VPS13B: variants seen among roughly 807,000 people sequenced by gnomAD.
VPS13B encodes the protein vacuolar protein sorting 13 homolog B, also known as intermembrane lipid transfer protein VPS13B.
VPS13B carries 285 observed loss-of-function variants against 426.4 expected under a neutral mutation model. The ratio of observed to expected loss-of-function variants is 0.67; its 90% CI spans 0.61 to 0.74. The LOEUF is 0.74. Ranked by LOEUF, VPS13B falls within the 30% of genes least tolerant of loss-of-function variation. The pLI, the probability that VPS13B is intolerant of heterozygous loss-of-function variation, is 0.00. For synonymous variants in VPS13B, 1,676 were observed against 1,676.4 expected, an observed-to-expected ratio of 1.00 and a Z score of 0.01; for missense variants, 4,537 against 4,782.6, an observed-to-expected ratio of 0.95 and a Z score of 1.51.
intron 3 of VPS13B, among the ~76,000 whole-genome samples, chr8:99,050,761 G>C (rs1350936029): frequency 2.6e-5 from 4 of 152,192 alleles, no homozygotes; most frequent in Non-Finnish European, 5.9e-5. Flanking sequence ...CTGTGGTTTT[G>C]ATTTGCATTT....
chr8:99,669,182 A>T (rs1370924373), intron 35 of VPS13B, among the ~76,000 whole-genome samples: 1 of 152,180 alleles, frequency 6.6e-6, no homozygotes. Flanking sequence ...TTGGTATGAC[A>T]TCATACAGAA....
chr8:99,128,083 A>G (rs1809527916), intron 8 of VPS13B, among the ~76,000 whole-genome samples: 1 of 152,120 alleles, frequency 6.6e-6, no homozygotes, highest in Admixed American at 6.6e-5. Context: ...AAAGCTCATT[A>G]AGTGGTAATT....
chr8:99,053,559 C>T (rs752843769), intron 3 of VPS13B, among the ~76,000 whole-genome samples: 5 of 151,916 alleles, frequency 3.3e-5, no homozygotes, highest in Non-Finnish European at 7.4e-5. Context: ...TTCTAAGTAC[C>T]TCAAGTAAGT....
At chr8:99,459,951 A>G (rs1476487855) in intron 23 of VPS13B, among the ~76,000 whole-genome samples, 2 of 152,228 alleles carry the variant, frequency 1.3e-5, no homozygotes, top group African/African-American at 2.4e-5. Context: ...GTTTAATAGT[A>G]TACCTTTTTC....
chr8:99,303,480 A>G (rs1197128725), intron 19 of VPS13B, among the ~76,000 whole-genome samples: 2 of 151,702 alleles, frequency 1.3e-5, no homozygotes, highest in African/African-American at 4.8e-5. Flanking sequence ...AATGTTTTAA[A>G]TCTTTTAAAG....
chr8:99,058,313 G>A (rs1308473991), intron 3 of VPS13B, among the ~76,000 whole-genome samples: 1 of 150,550 alleles, frequency 6.6e-6, no homozygotes, highest in African/African-American at 2.4e-5. Context: ...TTTTGTTTTA[G>A]AAAATATAGC....
At chr8:99,112,355 T>C (rs1310288642) in intron 6 of VPS13B, among the ~76,000 whole-genome samples, 2 of 152,204 alleles carry the variant, frequency 1.3e-5, no homozygotes, top group Non-Finnish European at 2.9e-5. Context: ...AGTATGGCTG[T>C]ATAAAAATTA....
At chr8:99,750,383 A>G (rs1180225345) in intron 39 of VPS13B, among the ~76,000 whole-genome samples, 1 of 152,058 alleles carries the variant, frequency 6.6e-6, no homozygotes, top group Non-Finnish European at 1.5e-5. Flanking sequence ...GCCCATTTAT[A>G]TTACTTCCTT....
intron 54 of VPS13B, among the ~76,000 whole-genome samples, chr8:99,836,984 G>A (rs1485811345): frequency 6.6e-6 from 1 of 152,202 alleles, no homozygotes; most frequent in East Asian, 1.9e-4. Context: ...CTGCAAAGCC[G>A]GTGCTCTGAG....
intron 19 of VPS13B, among the ~76,000 whole-genome samples, chr8:99,318,245 T>C (rs563581981): frequency 6.6e-6 from 1 of 152,330 alleles, no homozygotes; most frequent in Admixed American, 6.5e-5. Flanking sequence ...TTCATGAGCA[T>C]ACTGATATTG....
At chr8:99,452,674 A>G (rs1258123773) in intron 23 of VPS13B, among the ~76,000 whole-genome samples, 1 of 152,228 alleles carries the variant, frequency 6.6e-6, no homozygotes, top group African/African-American at 2.4e-5. Flanking sequence ...GGGGGGAAAA[A>G]GCATTACATA....
At chr8:99,731,750 G>A (rs1218362910) in intron 39 of VPS13B, among the ~76,000 whole-genome samples, 1 of 152,190 alleles carries the variant, frequency 6.6e-6, no homozygotes, top group East Asian at 1.9e-4. Flanking sequence ...ATTTAATGAG[G>A]AAGTAAGAGA....
chr8:99,794,367 G>A (rs917736416), intron 43 of VPS13B, among the ~76,000 whole-genome samples: 5 of 152,088 alleles, frequency 3.3e-5, no homozygotes, highest in African/African-American at 1.2e-4. Flanking sequence ...AATGGTATAC[G>A]ATAGGCATAC....
chr8:99,030,491 T>TGC (rs1437829824), intron 2 of VPS13B, among the ~76,000 whole-genome samples: 4 of 151,510 alleles, frequency 2.6e-5, no homozygotes, highest in African/African-American at 9.7e-5. Flanking sequence ...TGTGTGTGTG[T>TGC]ACCATGATGT....
chr8:99,590,597 A>G (rs1826593526), intron 33 of VPS13B, among the ~76,000 whole-genome samples: 1 of 152,166 alleles, frequency 6.6e-6, no homozygotes, highest in Non-Finnish European at 1.5e-5. Flanking sequence ...TTATTTACCA[A>G]GTAGTCATTC....
At chr8:99,687,602 G>A (rs1563863284) in intron 35 of VPS13B, among the ~76,000 whole-genome samples, 1 of 151,894 alleles carries the variant, frequency 6.6e-6, no homozygotes, top group Non-Finnish European at 1.5e-5. Context: ...GATTTCCACT[G>A]TAACAGGGCA....
chr8:99,107,623 A>T (rs1847116830), intron 5 of VPS13B, among the ~76,000 whole-genome samples: 1 of 152,200 alleles, frequency 6.6e-6, no homozygotes, highest in East Asian at 1.9e-4. Context: ...TTGACATTCA[A>T]GTTGTTCTAA....
chr8:99,390,612 C>T (rs911107902), intron 20 of VPS13B, among the ~76,000 whole-genome samples: 2 of 152,054 alleles, frequency 1.3e-5, no homozygotes, highest in African/African-American at 2.4e-5. Flanking sequence ...GGTTGTGGTA[C>T]TGAAGATAAC....
intron 9 of VPS13B, 21 bp downstream of exon 9, chr8:99,134,748 C>T: frequency 6.4e-7 from 1 of 1,554,314 alleles, no homozygotes; most frequent in Non-Finnish European, 8.9e-7. Flanking sequence ...AATATTGAAC[C>T]TGTATTTTTA....
Sources: gnomAD v4.1 joint callset for allele counts (sites outside exome capture counted in the v4.1 genomes callset) on GRCh38, gnomAD v4.1.1 for gene constraint, MANE v1.5 for transcripts, NCBI Gene and HGNC (gene_info 2026-07-23, HGNC 2026-07-21) for gene names.